Variants in ERO1B observed in about 807,000 individuals in gnomAD.
The protein encoded by ERO1B is ERO1-like protein beta.
A neutral mutation model predicts 75.3 loss-of-function variants in ERO1B; 49 were observed. The observed-to-expected ratio is 0.65, with a 90% CI of 0.52 to 0.83. The LOEUF (loss-of-function observed/expected upper bound fraction) is 0.83. Ranked by LOEUF, ERO1B falls within the 40% of genes least tolerant of loss-of-function variation. The probability of loss-of-function intolerance (pLI) is 0.00; values close to 1 mark genes in which losing one functional copy is unlikely to be tolerated. For synonymous variants in ERO1B, 191 were observed against 192.9 expected (o/e 0.99, Z 0.08); for missense variants, 512 against 560.1 (o/e 0.91, Z 0.87).
At chr1:236,279,504 C>CAAAAAAAAAAAAAAAAAAA (rs57596875) in intron 1 of ERO1B, among the ~76,000 whole-genome samples, 5 of 78,526 alleles carry the variant, frequency 6.4e-5, no homozygotes, top group Non-Finnish European at 9.4e-5. Flanking sequence ...GACTCCATCT[C>CAAAAAAAAAAAAAAAAAAA]AAAAAAAAAA....
Position 236,226,358 on chromosome 1 carries a change from A to C in ERO1B, c.963T>G (p.Phe321Leu). ...TGTAAAGATCGACAATTGAGCGCTC[A>C]AAATATGGAGCCACCTTTGACAAAG... ...LRALSKVAPY[F>L]ERSIVDLYTG... is the part of the protein sequence containing the mutation. The change falls in exon 12 of 16, where the codon TTT (phenylalanine) becomes TTG (leucine). Residue 321 changes from phenylalanine to leucine, a missense_variant. By Grantham distance (22) the Phe-to-Leu change is conservative (BLOSUM62 0). Transcript: ENST00000354619. The C allele has an allele frequency of 6.2e-7, 1 of 1,614,150 alleles. No homozygotes were observed. Among genetic ancestry groups the C allele is most frequent in the Non-Finnish European group, 8.5e-7 (1 of 1,179,994 alleles).
Position 236,217,185 on chromosome 1 carries a change from AT to A in ERO1B, c.*1330del, listed in dbSNP as rs1664010317. On this transcript the variant is annotated 3_prime_UTR_variant, in exon 16 of 16. Transcript: ENST00000354619. Reference sequence around the variant, plus strand: ...TGGATTTAAGAGCACTTATTCTTTAATTCAGAAAAGACTAAAGAGTCTAAGG... The same window carrying A: ...TGGATTTAAGAGCACTTATTCTTTAATCAGAAAAGACTAAAGAGTCTAAGG... The A allele has an allele frequency of 1.3e-5, 2 of 152,116 alleles. No homozygotes were observed. The highest frequency in any genetic ancestry group is 2.9e-5 in the Non-Finnish European group (2 of 67,990). The allele number at this position is 152,116 out of a possible 1,614,324, so 9.4% of individuals were successfully genotyped here. A position where few individuals can be genotyped will look rare whatever the true frequency, so the allele number is the denominator to read the frequency against.
chr1:236,225,998 A>G (rs759087772), intron 12 of ERO1B, among the ~76,000 whole-genome samples: 11 of 152,250 alleles, frequency 7.2e-5, no homozygotes, highest in African/African-American at 2.4e-4. Flanking sequence ...CCATTAAAGT[A>G]GCACTAAATT....
chr1:236,221,642 G>A (rs957885657), intron 14 of ERO1B: 9 of 290,304 alleles, frequency 3.1e-5, no homozygotes, highest in African/African-American at 1.3e-4. Flanking sequence ...GGATATACTC[G>A]GTTCGTAATG....
At chr1:236,241,561 T>A (rs2950398) in intron 6 of ERO1B, among the ~76,000 whole-genome samples, 6 of 71,222 alleles carry the variant, frequency 8.4e-5, no homozygotes, top group Admixed American at 3.2e-4. Context: ...ACAAAACAAA[T>A]CAAAAACAAA....
At position 236,281,826 on chromosome 1, in the gene ERO1B, C is replaced by T. The variant is rs760191406; in HGVS notation, c.-43G>A. The T allele has an allele frequency of 3.0e-6, 4 of 1,340,054 alleles. No homozygotes were observed. The highest frequency in any genetic ancestry group is 1.5e-5 in the African/African-American group (1 of 65,796). The allele number at this position is 1,340,054 out of a possible 1,614,324, so 83.0% of individuals were successfully genotyped here. On this transcript the variant is annotated 5_prime_UTR_variant, in exon 1 of 16. Transcript: ENST00000354619. ...CCGCGGCCAGCCGGACCCCTCGGGG[C>T]CGGGGAACGACGGGCGGCCCAGGCG...
At chr1:236,231,419 C>CATA (rs1282243781) in intron 9 of ERO1B, among the ~76,000 whole-genome samples, 1 of 149,954 alleles carries the variant, frequency 6.7e-6, no homozygotes, top group Non-Finnish European at 1.5e-5. Flanking sequence ...AGTGTTTTCG[C>CATA]CAAAAAAATG....
In ERO1B at chr1:236,267,114, G is replaced by A. The variant is rs1279887070; in HGVS notation, c.222+2761C>T. ...TTTTGGTCCAACAGGTCATATGACC[G>A]TACCTGGACAGAAATATAACTCTTA... On this transcript the variant is annotated intron_variant, in intron 2 of 15. Transcript: ENST00000354619. Among the ~76,000 whole-genome samples, 6 of 152,140 alleles carry A rather than the reference G, an allele frequency of 3.9e-5. No homozygotes were observed. In the South Asian group the frequency reaches 6.2e-4, roughly 16 times the overall value.
intron 2 of ERO1B, among the ~76,000 whole-genome samples, chr1:236,258,149 C>CGGAAAAAA (rs1665206177): frequency 1.0e-5 from 1 of 96,572 alleles, no homozygotes; most frequent in South Asian, 3.4e-4. Context: ...AAAAACAAAG[C>CGGAAAAAA]AAAAAAAAAA....
chr1:236,223,423 A>G (rs1245087390), intron 13 of ERO1B, among the ~76,000 whole-genome samples: 1 of 152,198 alleles, frequency 6.6e-6, no homozygotes, highest in Admixed American at 6.5e-5. Context: ...GCGGGAGGCA[A>G]GTAGCCTGAA....
chr1:236,254,906 C>T (rs1665124986), intron 2 of ERO1B, among the ~76,000 whole-genome samples: 1 of 150,900 alleles, frequency 6.6e-6, no homozygotes, highest in Non-Finnish European at 1.5e-5. Context: ...AACCACCGTG[C>T]CTGGCCGGTC....
At chr1:236,271,839 T>C (rs1665596367) in intron 1 of ERO1B, among the ~76,000 whole-genome samples, 1 of 152,138 alleles carries the variant, frequency 6.6e-6, no homozygotes, top group South Asian at 2.1e-4. Context: ...AGTTTTTTTG[T>C]TCTTTCTTAT....
intron 1 of ERO1B, among the ~76,000 whole-genome samples, chr1:236,278,269 A>G (rs974120388): frequency 6.6e-6 from 1 of 152,072 alleles, no homozygotes; most frequent in Non-Finnish European, 1.5e-5. Flanking sequence ...CAAATTCTCA[A>G]AAGTTTCTTC....
Position 236,239,791 on chromosome 1 carries a change from A to G in ERO1B, c.506-3393T>C, listed in dbSNP as rs1044521741. ...TAGTGTTATTTCCTCCTCTTCAAGT[A>G]TATATATATATATATGTGTGTATAT... On this transcript the variant is annotated intron_variant, in intron 6 of 15. Transcript: ENST00000354619. Among the ~76,000 whole-genome samples, 5 of 78,826 alleles carry G rather than the reference A, an allele frequency of 6.3e-5. 1 individual carries two copies. The highest frequency in any genetic ancestry group is 5.2e-4 in the Admixed American group (4 of 7,742). 51.7% of individuals were successfully genotyped at this position (78,826 alleles called of 152,430 possible).
chr1:236,261,661 T>C (rs940014498), intron 2 of ERO1B, among the ~76,000 whole-genome samples: 2 of 152,126 alleles, frequency 1.3e-5, no homozygotes, highest in Admixed American at 1.3e-4. Flanking sequence ...TGGAAAGACA[T>C]CCCATATTCA....
At chr1:236,245,662 C>T (rs1223650065) in intron 5 of ERO1B, among the ~76,000 whole-genome samples, 6 of 139,398 alleles carry the variant, frequency 4.3e-5, no homozygotes, top group African/African-American at 1.1e-4. Flanking sequence ...CTTGGCTCAC[C>T]GCAACCTCCA....
chr1:236,246,381 A>T (rs1448950374), intron 5 of ERO1B, among the ~76,000 whole-genome samples: 1 of 151,864 alleles, frequency 6.6e-6, no homozygotes, highest in Non-Finnish European at 1.5e-5. Context: ...CTTGTTGGCC[A>T]GGCTGATTTT....
At chr1:236,265,309 A>G (rs1437223011) in intron 2 of ERO1B, among the ~76,000 whole-genome samples, 2 of 152,176 alleles carry the variant, frequency 1.3e-5, no homozygotes, top group Non-Finnish European at 2.9e-5. Flanking sequence ...AATTTTGATG[A>G]TTATCAACAT....
At chr1:236,236,542 G>C in intron 6 of ERO1B, 144 bp from the exon 7 acceptor site, 4 of 719,632 alleles carry the variant, frequency 5.6e-6, no homozygotes, top group Non-Finnish European at 8.4e-6. Context: ...ATAGTGGTTA[G>C]TATACTTGTG....
Sources: allele counts gnomAD v4.1 joint callset (sites outside exome capture counted in the v4.1 genomes callset), GRCh38; gene constraint gnomAD v4.1.1; transcripts MANE v1.5; gene names NCBI Gene and HGNC (gene_info 2026-07-23, HGNC 2026-07-21).